The following NXPE4 variants were observed in gnomAD, a reference collection of about 807,000 sequenced individuals.
The protein encoded by NXPE4 is neurexophilin and PC-esterase domain family member 4.
A neutral mutation model predicts 33.3 loss-of-function variants in NXPE4; 42 were observed. The observed-to-expected ratio is 1.26, with a 90% CI of 0.98 to 1.63. The LOEUF (loss-of-function observed/expected upper bound fraction) is 1.63, where lower values mean the gene tolerates loss of function less well. NXPE4 is among the 40% of genes most tolerant of loss of function. The pLI, the probability that NXPE4 is intolerant of heterozygous loss-of-function variation, is 0.00. For missense variants in NXPE4, 709 were observed against 647.6 expected (o/e 1.09, Z -1.03); for synonymous variants, 253 against 234.9 (o/e 1.08, Z -0.71).
the NXPE4 span, among the ~76,000 whole-genome samples, chr11:114,627,346 G>A: frequency 1.3e-5 from 2 of 152,072 alleles, no homozygotes; most frequent in Admixed American, 6.5e-5. Context: ...CAAGCCAGAA[G>A]AGAGTGGGGA....
the NXPE4 span, among the ~76,000 whole-genome samples, chr11:114,634,470 A>C: frequency 1.8e-4 from 28 of 152,186 alleles, 1 homozygote; most frequent in South Asian, 5.8e-3. Context: ...TAGTTTAGTT[A>C]GATCCCACTT....
the NXPE4 span, among the ~76,000 whole-genome samples, chr11:114,617,781 T>C: frequency 1.3e-4 from 20 of 151,382 alleles, no homozygotes; most frequent in Middle Eastern, 3.5e-3. Flanking sequence ...AGTGTTGCCT[T>C]GTGGGTAAGC....
chr11:114,633,471 GTAT>G, the NXPE4 span, among the ~76,000 whole-genome samples: 1 of 143,984 alleles, frequency 6.9e-6, no homozygotes, highest in African/African-American at 2.6e-5. Flanking sequence ...TTTTATTTTA[GTAT>G]TATTATACTT....
At chr11:114,636,249 G>A in the NXPE4 span, among the ~76,000 whole-genome samples, 61 of 152,102 alleles carry the variant, frequency 4.0e-4, no homozygotes, top group South Asian at 8.3e-4. Context: ...GTTTATTTGC[G>A]TAGAGGTGTT....
the NXPE4 span, among the ~76,000 whole-genome samples, chr11:114,663,610 T>TATCTATCTATC: frequency 2.0e-5 from 2 of 98,244 alleles, no homozygotes; most frequent in Non-Finnish European, 4.4e-5. Flanking sequence ...TCTATCTATC[T>TATCTATCTATC]ATCTATCTAT....
the NXPE4 span, among the ~76,000 whole-genome samples, chr11:114,674,516 C>G: frequency 6.7e-6 from 1 of 149,696 alleles, no homozygotes; most frequent in Non-Finnish European, 1.5e-5. Flanking sequence ...ATGGCAACCA[C>G]AAAGAAAAAA....
chr11:114,581,989 G>T (rs1377938275), intron 3 of NXPE4, among the ~76,000 whole-genome samples: 1 of 152,192 alleles, frequency 6.6e-6, no homozygotes, highest in Non-Finnish European at 1.5e-5. Flanking sequence ...AAGAGAATTT[G>T]TTGAGTTGCA....
At chr11:114,574,904 C>T (rs1385739562) in intron 5 of NXPE4, among the ~76,000 whole-genome samples, 1 of 151,844 alleles carries the variant, frequency 6.6e-6, no homozygotes, top group Non-Finnish European at 1.5e-5. Flanking sequence ...AACTACAGAC[C>T]AGTAACATCC....
At chr11:114,603,201 C>T in the NXPE4 span, among the ~76,000 whole-genome samples, 6 of 151,794 alleles carry the variant, frequency 4.0e-5, no homozygotes, top group Non-Finnish European at 7.4e-5. Flanking sequence ...GCCTCGTCTC[C>T]TAGGTAACTC....
At chr11:114,664,926 A>G in the NXPE4 span, among the ~76,000 whole-genome samples, 1 of 152,150 alleles carries the variant, frequency 6.6e-6, no homozygotes, top group Non-Finnish European at 1.5e-5. Flanking sequence ...TTCAGAGCAC[A>G]TTTAAAGTGG....
chr11:114,596,045 A>G (rs181646303), upstream of NXPE4, among the ~76,000 whole-genome samples: 2 of 152,332 alleles, frequency 1.3e-5, no homozygotes, highest in Admixed American at 1.3e-4. Context: ...AAAAAGAGCC[A>G]CAAGTTTGAA....
intron 5 of NXPE4, among the ~76,000 whole-genome samples, chr11:114,572,055 G>A (rs951466530): frequency 3.9e-5 from 6 of 152,138 alleles, no homozygotes; most frequent in Admixed American, 1.3e-4. Flanking sequence ...TGCAAGACCT[G>A]AAGATGGGTC....
At chr11:114,620,036 C>T in the NXPE4 span, among the ~76,000 whole-genome samples, 1,544 of 144,088 alleles carry the variant, frequency 0.011, 21 homozygotes, top group African/African-American at 0.037. Flanking sequence ...TGGATACTCA[C>T]TACTGCCTCG....
chr11:114,646,634 A>G, the NXPE4 span, among the ~76,000 whole-genome samples: 56 of 152,302 alleles, frequency 3.7e-4, no homozygotes, highest in African/African-American at 1.3e-3. Context: ...AAGTATTTTT[A>G]CTATAACACC....
At chr11:114,656,806 T>G in the NXPE4 span, among the ~76,000 whole-genome samples, 1 of 152,094 alleles carries the variant, frequency 6.6e-6, no homozygotes, top group African/African-American at 2.4e-5. Context: ...CTAGTAGTAG[T>G]AGTGTTTAAA....
At chr11:114,628,569 G>A in the NXPE4 span, among the ~76,000 whole-genome samples, 39 of 150,476 alleles carry the variant, frequency 2.6e-4, no homozygotes, top group African/African-American at 9.5e-4. Flanking sequence ...GAGAAAGCAG[G>A]AAAGATCCAA....
At chr11:114,621,840 T>G in the NXPE4 span, among the ~76,000 whole-genome samples, 1 of 152,026 alleles carries the variant, frequency 6.6e-6, no homozygotes. Flanking sequence ...TGCTGGAAAA[T>G]AAATATTGCC....
chr11:114,618,956 G>A, the NXPE4 span, among the ~76,000 whole-genome samples: 27,249 of 151,798 alleles, frequency 0.18, 2,816 homozygotes, highest in Non-Finnish European at 0.22. Context: ...AAGTAGTACC[G>A]CATGGGTAAA....
the NXPE4 span, among the ~76,000 whole-genome samples, chr11:114,641,297 G>A: frequency 2.0e-5 from 3 of 152,074 alleles, no homozygotes. Context: ...CAGAAAGGTA[G>A]TGTAAAAAAT....
Sources: gnomAD v4.1 joint callset for allele counts (sites outside exome capture counted in the v4.1 genomes callset) on GRCh38, gnomAD v4.1.1 for gene constraint, MANE v1.5 for transcripts, NCBI Gene and HGNC (gene_info 2026-07-23, HGNC 2026-07-21) for gene names.